Variants in PTPRE observed in about 807,000 individuals in gnomAD.
The protein encoded by PTPRE is receptor-type tyrosine-protein phosphatase epsilon.
A neutral mutation model predicts 102.0 loss-of-function variants in PTPRE; 51 were observed. The observed-to-expected ratio is 0.50, with a 90% CI of 0.40 to 0.63. The LOEUF is 0.63. Among genes scored for constraint, PTPRE ranks in the 30% least tolerant of loss-of-function variants. The probability of loss-of-function intolerance (pLI) is 0.00; values close to 1 mark genes in which losing one functional copy is unlikely to be tolerated. For missense variants in PTPRE, 752 were observed against 915.1 expected, an observed-to-expected ratio of 0.82 and a Z score of 2.30; for synonymous variants, 345 against 348.2, an observed-to-expected ratio of 0.99 and a Z score of 0.10.
intron 3 of PTPRE, among the ~76,000 whole-genome samples, chr10:128,043,676 G>GAT (rs142214454): frequency 0.021 from 3,175 of 152,274 alleles, 65 homozygotes; most frequent in African/African-American, 0.05. Context: ...GAGACACAAA[G>GAT]ATATATATGT....
chr10:127,978,738 C>T (rs1194290221), intron 1 of PTPRE, among the ~76,000 whole-genome samples: 5 of 151,934 alleles, frequency 3.3e-5, no homozygotes, highest in Admixed American at 2.0e-4. Context: ...TGGGTCTCAC[C>T]GGCCGGGCTT....
chr10:127,952,032 G>A (rs958595650), intron 1 of PTPRE, among the ~76,000 whole-genome samples: 127 of 152,252 alleles, frequency 8.3e-4, no homozygotes, highest in African/African-American at 3.0e-3. Flanking sequence ...TGTCCAGAAG[G>A]CCCACCTGAA....
intron 2 of PTPRE, chr10:127,998,730 C>G (rs1410208129): frequency 6.6e-6 from 1 of 152,102 alleles, no homozygotes; most frequent in Non-Finnish European, 1.5e-5. Context: ...TACTGGTGCA[C>G]CTTTGTAAGA....
rs575780193 is a variant in PTPRE at position 127,963,696 on chromosome 10, G to T, written c.-30-18578G>T. 2.2e-4 allele frequency among the ~76,000 whole-genome samples: 33 copies of T among 152,144 alleles called. No homozygotes were observed. The South Asian group carries it at 6.0e-3, about 28-fold the overall frequency. The stretch of plus-strand genomic sequence containing the variant: ...AGTGTGTGTGTGTGTGTGCATGCAT[G>T]CGTGCGTGCACACACACGTGCACAC... On this transcript the variant is annotated intron_variant, in intron 1 of 20. Coordinates refer to ENST00000254667, the MANE Select transcript of PTPRE (RefSeq NM_006504.6).
At chr10:128,032,052 A>T (rs1034152476) in intron 2 of PTPRE, among the ~76,000 whole-genome samples, 1 of 152,064 alleles carries the variant, frequency 6.6e-6, no homozygotes, top group African/African-American at 2.4e-5. Context: ...GTCTCTTTCC[A>T]TCACCCAGGC....
At chr10:127,995,738 C>T (rs1253933386) in intron 2 of PTPRE, among the ~76,000 whole-genome samples, 2 of 152,008 alleles carry the variant, frequency 1.3e-5, no homozygotes, top group African/African-American at 4.8e-5. Flanking sequence ...TGCTGAGTGT[C>T]AGAGGAAAAT....
intron 5 of PTPRE, 110 bp from the exon 6 acceptor site, chr10:128,049,420 C>G: frequency 7.3e-7 from 1 of 1,378,878 alleles, no homozygotes; most frequent in South Asian, 1.3e-5. Context: ...GAGAACTGTT[C>G]CAGCTCCAGC....
intron 17 of PTPRE, among the ~76,000 whole-genome samples, chr10:128,075,817 T>C (rs1425127080): frequency 6.6e-6 from 1 of 152,220 alleles, no homozygotes; most frequent in South Asian, 2.1e-4. Context: ...CCCCATCACT[T>C]CATATATTTG....
At position 128,083,174 on chromosome 10, in the gene PTPRE, C is replaced by A; in HGVS notation, c.*268C>A. On this transcript the variant is annotated 3_prime_UTR_variant, in exon 21 of 21. Transcript: ENST00000254667. ...TCTTAATTTTTCATTAGATTCATAT[C>A]ATTTAATTTCACATATTCAACACCT... is the stretch of plus-strand genomic sequence containing the variant. The A allele has an allele frequency of 4.4e-6, 1 of 229,126 alleles. No homozygotes were observed. The highest frequency in any genetic ancestry group is 8.4e-6 in the Non-Finnish European group (1 of 119,128). The allele number at this position is 229,126 out of a possible 1,614,324, so 14.2% of individuals were successfully genotyped here.
intron 2 of PTPRE, among the ~76,000 whole-genome samples, chr10:128,030,673 G>C (rs190145352): frequency 6.6e-6 from 1 of 152,216 alleles, no homozygotes; most frequent in African/African-American, 2.4e-5. Context: ...GCAGTGCCGC[G>C]TGCATGGATA....
intron 3 of PTPRE, among the ~76,000 whole-genome samples, chr10:128,042,343 G>A (rs963323600): frequency 1.3e-5 from 2 of 152,148 alleles, no homozygotes; most frequent in African/African-American, 4.8e-5. Flanking sequence ...GCAGGATGAC[G>A]TCCACTCCAC....
At chr10:128,074,301 A>G (rs1851038607) in intron 17 of PTPRE, among the ~76,000 whole-genome samples, 1 of 152,232 alleles carries the variant, frequency 6.6e-6, no homozygotes, top group Non-Finnish European at 1.5e-5. Flanking sequence ...TTGTGTGGAT[A>G]TACTACACTC....
rs766906298 is a variant in PTPRE, at chr10:128,068,109, C to T, written c.844-14C>T. 43 of 1,607,796 alleles carry T rather than the reference C, an allele frequency of 2.7e-5. 1 individual carries two copies. Among genetic ancestry groups the T allele is most frequent in the African/African-American group, 8.0e-5 (6 of 74,788 alleles). On this transcript the variant is annotated splice_polypyrimidine_tract_variant and intron_variant, in intron 11 of 20. Transcript: ENST00000254667. ...ATTGTTTCACCCACTCTTGTCTCCC[C>T]GCGTCCCCCGCAGCAGCTCCCCGAC...
intron 2 of PTPRE, chr10:127,987,512 C>T (rs1207195253): frequency 1.0e-5 from 4 of 396,436 alleles, no homozygotes; most frequent in Admixed American, 4.1e-5. Flanking sequence ...AGGAAGGCGT[C>T]GTTAAATGAA....
At position 128,068,254 on chromosome 10, in the gene PTPRE, C is replaced by T. The variant is rs200495195; in HGVS notation, c.975C>T (p.Pro325=). 2.0e-4 allele frequency: 324 copies of T among 1,614,108 alleles called. 7 individuals are homozygous for T. In the South Asian group the frequency reaches 2.7e-3, roughly 13 times the overall value. ...KFLKKVKTLN[P]VHAGPIVVHC... is the part of the protein sequence containing the mutation. The stretch of plus-strand genomic sequence containing the variant: ...TCAAGAAAGTAAAGACGCTCAACCC[C>T]GTGCACGCTGGGCCCATCGTGGTCC... The change falls in exon 12 of 21, where the codon CCC becomes CCT. Residue 325 remains proline (P), a synonymous_variant. Coordinates refer to ENST00000254667, the MANE Select transcript of PTPRE (RefSeq NM_006504.6).
At chr10:127,987,583 C>A (rs1182299181) in intron 2 of PTPRE, among the ~76,000 whole-genome samples, 1 of 152,142 alleles carries the variant, frequency 6.6e-6, no homozygotes, top group Non-Finnish European at 1.5e-5. Flanking sequence ...GGGATCTATG[C>A]TTCAGGAAAC....
intron 1 of PTPRE, among the ~76,000 whole-genome samples, chr10:127,915,268 T>C (rs1253193028): frequency 1.3e-5 from 2 of 152,204 alleles, no homozygotes; most frequent in Non-Finnish European, 2.9e-5. Context: ...AAAACTTACA[T>C]TGTTACTAGT....
At chr10:128,029,671 C>T (rs1282843488) in intron 2 of PTPRE, among the ~76,000 whole-genome samples, 3 of 152,206 alleles carry the variant, frequency 2.0e-5, no homozygotes, top group East Asian at 1.9e-4. Context: ...TGCTGAAAAA[C>T]GTCTATTTTC....
At chr10:127,948,053 TC>T (rs1848751036) in intron 1 of PTPRE, among the ~76,000 whole-genome samples, 1 of 152,096 alleles carries the variant, frequency 6.6e-6, no homozygotes, top group Non-Finnish European at 1.5e-5. Context: ...TTGGGTTTTC[TC>T]CTAGGAGGGG....
Sources: allele counts gnomAD v4.1 joint callset (sites outside exome capture counted in the v4.1 genomes callset), GRCh38; gene constraint gnomAD v4.1.1; transcripts MANE v1.5; gene names NCBI Gene and HGNC (gene_info 2026-07-23, HGNC 2026-07-21).